Variants in OGA observed in about 807,000 individuals in gnomAD.
OGA encodes protein O-GlcNAcase.
Under a neutral mutation model 102.0 loss-of-function variants are expected in OGA, and 21 were observed. That is an observed-to-expected ratio of 0.21 (90% CI 0.15 to 0.30). OGA has a LOEUF of 0.30. OGA is among the 10% of genes least tolerant of loss of function. The pLI is 1.00. For missense variants in OGA, 765 were observed against 1,107.8 expected (o/e 0.69, Z 4.39); for synonymous variants, 408 against 378.2 (o/e 1.08, Z -0.91).
rs919700714 is a variant in OGA, at chr10:101,791,155, T to G, written c.2262-67A>C. ...TAATATAAAATTCAGACTTCAGTGA[T>G]CCAAGACCCACTGTACTTGCATGAA... On this transcript the variant is annotated intron_variant, in intron 13 of 15. Coordinates refer to ENST00000361464, the MANE Select transcript of OGA (RefSeq NM_012215.5). 9 of 1,486,436 alleles carry G rather than the reference T, an allele frequency of 6.1e-6. No individual in the cohort carries two copies. In the Admixed American group the frequency reaches 6.5e-5, roughly 11 times the overall value. 92.1% of individuals were successfully genotyped at this position (1,486,436 alleles called of 1,614,324 possible). A position where few individuals can be genotyped will look rare whatever the true frequency, so the allele number is the denominator to read the frequency against.
At position 101,807,914 on chromosome 10, in the gene OGA, A is replaced by G. The variant is rs2135080589; in HGVS notation, c.481-13T>C. 6.7e-7 allele frequency: 1 copy of G among 1,486,550 alleles called. No homozygotes were observed. The highest frequency in any genetic ancestry group is 1.4e-5 in the African/African-American group (1 of 69,846). The allele number at this position is 1,486,550 out of a possible 1,614,324, so 92.1% of individuals were successfully genotyped here. On this transcript the variant is annotated splice_polypyrimidine_tract_variant and intron_variant, in intron 4 of 15. Transcript: ENST00000361464. ...CAAACTGAGAAACCTAGGAGAAAAA[A>G]AAAAAAAAGAATCAAGAGTAAAAAA...
At chr10:101,817,226 G>C (rs1039762770) in intron 1 of OGA, among the ~76,000 whole-genome samples, 2 of 152,184 alleles carry the variant, frequency 1.3e-5, no homozygotes, top group Admixed American at 1.3e-4. Flanking sequence ...GATACTTCGA[G>C]AATCTGTGAT....
chr10:101,813,250 T>G, intron 2 of OGA, 123 bp from the exon 3 acceptor site: 1 of 694,342 alleles, frequency 1.4e-6, no homozygotes, highest in Non-Finnish European at 2.5e-6. Context: ...ACAGTAGCTT[T>G]TAACCTTTTT....
At position 101,810,282 on chromosome 10, in the gene OGA, C is replaced by A. The variant is rs759325049; in HGVS notation, c.382G>T (p.Glu128Ter). 1 of 1,612,616 alleles carries A rather than the reference C, an allele frequency of 6.2e-7. No individual in the cohort carries two copies. Among genetic ancestry groups the A allele is most frequent in the Non-Finnish European group, 8.5e-7 (1 of 1,178,852 alleles). ...GCATAGATGAACTCTATCTCATATT[C>A]TCGTGCAGCAGAGATGAGAGTCATA... ...QLMTLISAAR[E>*]YEIEFIYAIS... The change falls in exon 4 of 16, where the codon GAA (glutamate) becomes TAA (stop). Residue 128 changes from glutamate (E) to a stop codon, truncating the protein, a stop_gained. Coordinates refer to ENST00000361464, the MANE Select transcript of OGA (RefSeq NM_012215.5). LOFTEE classifies it high-confidence loss of function.
Position 101,818,439 on chromosome 10 carries a change from A to G in OGA, c.-417T>C, listed in dbSNP as rs2065672846. On this transcript the variant is annotated 5_prime_UTR_variant, in exon 1 of 16. Coordinates refer to ENST00000361464, the MANE Select transcript of OGA (RefSeq NM_012215.5). Reference sequence around the variant, plus strand: ...TGCCTCCACCGCCCGCTTCCTGTTTATCCGCACTGCGCTTGCGCTGCAGAC... The same window carrying G: ...TGCCTCCACCGCCCGCTTCCTGTTTGTCCGCACTGCGCTTGCGCTGCAGAC... The G allele has an allele frequency of 8.9e-6, 9 of 1,006,054 alleles. No individual in the cohort carries two copies. Among genetic ancestry groups the G allele is most frequent in the Non-Finnish European group, 1.1e-5 (9 of 842,718 alleles). The allele number at this position is 1,006,054 out of a possible 1,614,324, so 62.3% of individuals were successfully genotyped here. A position where few individuals can be genotyped will look rare whatever the true frequency, so the allele number is the denominator to read the frequency against.
chr10:101,798,718 G>T (rs2065351326), intron 9 of OGA, 124 bp downstream of exon 9: 8 of 1,265,654 alleles, frequency 6.3e-6, no homozygotes, highest in African/African-American at 1.5e-5. Flanking sequence ...CCGGCCTAAA[G>T]AACATATTCT....
intron 3 of OGA, among the ~76,000 whole-genome samples, chr10:101,810,788 T>G (rs1438242792): frequency 1.3e-5 from 2 of 152,138 alleles, no homozygotes; most frequent in Non-Finnish European, 2.9e-5. Context: ...AAGGCTGGAG[T>G]GCAGTGGCAC....
chr10:101,794,099 CTAACAA>C, intron 10 of OGA, 101 bp from the exon 11 acceptor site: 1 of 765,552 alleles, frequency 1.3e-6, no homozygotes, highest in Non-Finnish European at 2.2e-6. Flanking sequence ...AAATAACTCT[CTAACAA>C]TAATCAGGGT....
At chr10:101,787,613 T>A in intron 14 of OGA, 90 bp from the exon 15 acceptor site, 1 of 1,015,258 alleles carries the variant, frequency 9.8e-7, no homozygotes, top group Non-Finnish European at 1.5e-6. Context: ...AAAGCAATAT[T>A]TAATAACTCT....
chr10:101,814,017 G>C (rs2065590864), intron 1 of OGA, among the ~76,000 whole-genome samples: 1 of 152,154 alleles, frequency 6.6e-6, no homozygotes, highest in Non-Finnish European at 1.5e-5. Flanking sequence ...TAGAATGATA[G>C]TAAAACTGCT....
At chr10:101,787,223 T>C (rs1188771186) in intron 15 of OGA, 141 bp downstream of exon 15, 2 of 902,886 alleles carry the variant, frequency 2.2e-6, no homozygotes, top group Non-Finnish European at 1.6e-6. Context: ...TCTTCACCAC[T>C]AATTAATTCA....
chr10:101,803,706 A>G (rs747930275), intron 7 of OGA, 29 bp downstream of exon 7: 1 of 1,588,150 alleles, frequency 6.3e-7, no homozygotes, highest in South Asian at 1.1e-5. Flanking sequence ...TCTCCTCCCA[A>G]GGTGAAAGAT....
chr10:101,794,462 A>G (rs955192262), intron 10 of OGA, among the ~76,000 whole-genome samples: 6 of 152,206 alleles, frequency 3.9e-5, no homozygotes, highest in African/African-American at 1.4e-4. Flanking sequence ...GGCGGGGGAG[A>G]AGGATTAATC....
At chr10:101,810,879 G>A (rs2065545308) in intron 3 of OGA, among the ~76,000 whole-genome samples, 1 of 152,120 alleles carries the variant, frequency 6.6e-6, no homozygotes, top group Admixed American at 6.6e-5. Context: ...TAGTAGAGAT[G>A]AGGGTTTTGC....
At chr10:101,787,082 A>AT (rs2065199531) in intron 15 of OGA, among the ~76,000 whole-genome samples, 1 of 147,490 alleles carries the variant, frequency 6.8e-6, no homozygotes, top group Admixed American at 6.8e-5. Context: ...GGTCTCAGCC[A>AT]TATTGCTCAG....
At chr10:101,802,978 TAAAAAA>T (rs764237378) in intron 7 of OGA, among the ~76,000 whole-genome samples, 2 of 68,578 alleles carry the variant, frequency 2.9e-5, no homozygotes, top group African/African-American at 1.2e-4. Flanking sequence ...GTCTCTACTT[TAAAAAA>T]AAAAAAAAAA....
chr10:101,811,412 A>G (rs2065555876), intron 3 of OGA, among the ~76,000 whole-genome samples: 1 of 147,878 alleles, frequency 6.8e-6, no homozygotes, highest in Non-Finnish European at 1.5e-5. Context: ...AAATGAAAAA[A>G]AAAAAAAAAA....
intron 3 of OGA, 136 bp downstream of exon 3, chr10:101,812,894 T>C (rs1221957141): frequency 6.6e-6 from 5 of 752,242 alleles, no homozygotes; most frequent in South Asian, 1.4e-5. Flanking sequence ...GCTAACTGAA[T>C]AGTTACCAGA....
At chr10:101,787,776 C>T in intron 14 of OGA, 1 of 389,628 alleles carries the variant, frequency 2.6e-6, no homozygotes, top group Non-Finnish European at 4.8e-6. Context: ...CTCTCTCTCT[C>T]TCTCTTTCCC....
Sources: allele counts gnomAD v4.1 joint callset (sites outside exome capture counted in the v4.1 genomes callset), GRCh38; gene constraint gnomAD v4.1.1; transcripts MANE v1.5; gene names NCBI Gene and HGNC (gene_info 2026-07-23, HGNC 2026-07-21).